Variants in DPP10 observed in about 807,000 individuals in gnomAD.
The protein encoded by DPP10 is inactive dipeptidyl peptidase 10.
DPP10 carries 33 observed loss-of-function variants against 120.9 expected under a neutral mutation model. The observed-to-expected ratio is 0.27, with a 90% CI of 0.21 to 0.37. DPP10 has a LOEUF of 0.37. Among genes scored for constraint, DPP10 ranks in the 10% least tolerant of loss-of-function variants. The pLI, the probability that DPP10 is intolerant of heterozygous loss-of-function variation, is 1.00. For synonymous variants in DPP10, 337 were observed against 326.1 expected, an observed-to-expected ratio of 1.03 and a Z score of -0.36; for missense variants, 816 against 942.8, an observed-to-expected ratio of 0.87 and a Z score of 1.76.
At chr2:115,682,039 A>G (rs1210565800) in intron 5 of DPP10, among the ~76,000 whole-genome samples, 1 of 151,864 alleles carries the variant, frequency 6.6e-6, no homozygotes, top group Non-Finnish European at 1.5e-5. Flanking sequence ...TAGTTCCAGC[A>G]CTAAATGGAA....
At chr2:115,778,136 C>A (rs186409702) in intron 15 of DPP10, among the ~76,000 whole-genome samples, 1 of 152,058 alleles carries the variant, frequency 6.6e-6, no homozygotes, top group Non-Finnish European at 1.5e-5. Flanking sequence ...GAGAGATTTA[C>A]GTATTTTCCC....
At chr2:115,753,487 TTGA>T (rs768051695) in intron 11 of DPP10, among the ~76,000 whole-genome samples, 190 bp downstream of exon 11, 10 of 152,114 alleles carry the variant, frequency 6.6e-5, no homozygotes, top group Non-Finnish European at 1.2e-4. Context: ...GTGAACAATA[TTGA>T]TGATAAGCAG....
At chr2:115,840,394 G>C (rs1690011718) in intron 24 of DPP10, among the ~76,000 whole-genome samples, 1 of 125,202 alleles carries the variant, frequency 8.0e-6, no homozygotes, top group South Asian at 2.6e-4. Flanking sequence ...CACGATCTCT[G>C]CTCACTGCAA....
chr2:114,751,032 A>G, intron 1 of DPP10, among the ~76,000 whole-genome samples: 1 of 152,216 alleles, frequency 6.6e-6, no homozygotes, highest in East Asian at 1.9e-4. Context: ...GAAAATGTTA[A>G]TTAGCACCAA....
intron 1 of DPP10, among the ~76,000 whole-genome samples, chr2:114,505,169 T>C (rs1683538132): frequency 7.0e-6 from 1 of 142,112 alleles, no homozygotes; most frequent in African/African-American, 2.6e-5. Context: ...CAAAACAAAA[T>C]AAAAAAATAT....
intron 1 of DPP10, among the ~76,000 whole-genome samples, chr2:115,156,309 T>C (rs568585940): frequency 2.0e-5 from 3 of 152,264 alleles, no homozygotes; most frequent in African/African-American, 7.2e-5. Flanking sequence ...TCCCCAGTGG[T>C]AGAAAGTCAA....
intron 1 of DPP10, among the ~76,000 whole-genome samples, chr2:115,289,252 C>T (rs2060538642): frequency 6.6e-6 from 1 of 151,832 alleles, no homozygotes; most frequent in Non-Finnish European, 1.5e-5. Context: ...ATGATCTCCA[C>T]AAGGAAAACT....
intron 1 of DPP10, among the ~76,000 whole-genome samples, chr2:114,905,779 C>T (rs1693914023): frequency 6.6e-6 from 1 of 152,114 alleles, no homozygotes; most frequent in Admixed American, 6.6e-5. Context: ...AACTCCTGGC[C>T]TCAAGTGACC....
intron 7 of DPP10, among the ~76,000 whole-genome samples, chr2:115,720,844 C>T (rs1438915482): frequency 6.6e-6 from 1 of 152,000 alleles, no homozygotes; most frequent in Non-Finnish European, 1.5e-5. Context: ...CCTCATAAAA[C>T]AAAAGGTCTA....
intron 1 of DPP10, among the ~76,000 whole-genome samples, chr2:114,610,413 T>C (rs1314939110): frequency 1.3e-5 from 2 of 152,026 alleles, no homozygotes; most frequent in Non-Finnish European, 2.9e-5. Context: ...GAAGCCAGGG[T>C]TGACACTCAA....
At chr2:114,848,580 A>T (rs191306557) in intron 1 of DPP10, among the ~76,000 whole-genome samples, 35 of 152,344 alleles carry the variant, frequency 2.3e-4, no homozygotes, top group East Asian at 1.7e-3. Context: ...AGATTCAACG[A>T]CATTGAATCA....
At chr2:115,825,218 T>C (rs994184874) in intron 21 of DPP10, among the ~76,000 whole-genome samples, 6 of 152,222 alleles carry the variant, frequency 3.9e-5, no homozygotes, top group Admixed American at 6.5e-5. Flanking sequence ...TCAGTGTCTT[T>C]GTTCATGCCT....
intron 1 of DPP10, among the ~76,000 whole-genome samples, chr2:114,768,813 A>C (rs1391157856): frequency 1.3e-5 from 2 of 152,198 alleles, no homozygotes; most frequent in Non-Finnish European, 2.9e-5. Context: ...GTCGTTGTAC[A>C]TTCAATATTT....
intron 19 of DPP10, among the ~76,000 whole-genome samples, chr2:115,807,968 G>A (rs923293862): frequency 6.6e-6 from 1 of 151,868 alleles, no homozygotes; most frequent in Non-Finnish European, 1.5e-5. Context: ...ACTTAAGAAT[G>A]TTTTCTTTAA....
intron 1 of DPP10, among the ~76,000 whole-genome samples, chr2:114,808,795 A>G (rs1434639753): frequency 2.6e-5 from 4 of 152,082 alleles, no homozygotes; most frequent in Non-Finnish European, 5.9e-5. Context: ...ACATCCCCCA[A>G]GTCCAATATC....
chr2:115,617,132 A>T (rs1041889060), intron 5 of DPP10, among the ~76,000 whole-genome samples: 3 of 150,214 alleles, frequency 2.0e-5, no homozygotes, highest in Admixed American at 1.3e-4. Context: ...AATTATAGAC[A>T]TGATTAAGTA....
At chr2:114,643,273 G>T (rs1695850431) in intron 1 of DPP10, among the ~76,000 whole-genome samples, 4 of 151,990 alleles carry the variant, frequency 2.6e-5, no homozygotes. Flanking sequence ...ACAGCCAGGG[G>T]CAGGGAGGGC....
chr2:114,507,974 T>G (rs978706855), intron 1 of DPP10, among the ~76,000 whole-genome samples: 1 of 152,206 alleles, frequency 6.6e-6, no homozygotes, highest in African/African-American at 2.4e-5. Context: ...AATTTGGAAA[T>G]GACAGCCTCT....
At chr2:114,946,737 G>T (rs1697372995) in intron 1 of DPP10, among the ~76,000 whole-genome samples, 1 of 151,662 alleles carries the variant, frequency 6.6e-6, no homozygotes, top group Non-Finnish European at 1.5e-5. Context: ...GAAACATAGG[G>T]AATTTTCTTC....
Sources: allele counts gnomAD v4.1 joint callset (sites outside exome capture counted in the v4.1 genomes callset), GRCh38; gene constraint gnomAD v4.1.1; transcripts MANE v1.5; gene names NCBI Gene and HGNC (gene_info 2026-07-23, HGNC 2026-07-21).